DYNLT2: variants seen among roughly 807,000 people sequenced by gnomAD.
The protein encoded by DYNLT2 is dynein light chain Tctex-type 2.
DYNLT2 carries 24 observed loss-of-function variants against 24.3 expected under a neutral mutation model. The ratio of observed to expected loss-of-function variants is 0.99; its 90% confidence interval spans 0.71 to 1.39. The LOEUF (loss-of-function observed/expected upper bound fraction) is 1.39. DYNLT2 is among the 40% of genes most tolerant of loss of function. The probability of loss-of-function intolerance (pLI) is 0.00; values close to 1 mark genes in which losing one functional copy is unlikely to be tolerated. For synonymous variants in DYNLT2, 85 were observed against 85.4 expected (o/e 1.00, Z 0.03); for missense variants, 246 against 234.5 (o/e 1.05, Z -0.32).
rs185240997 is a variant in DYNLT2 at position 169,751,114 on chromosome 6, T to G, written c.120+225A>C. ...TCCAATCGACTTATGTAGGGTTCTA[T>G]GGCCCTAATTAAAAAACAAGAAAAC... is the stretch of plus-strand genomic sequence containing the variant. On this transcript the variant is annotated intron_variant, in intron 1 of 3. Transcript: ENST00000366774. 6.9e-6 allele frequency: 4 copies of G among 581,704 alleles called. No homozygotes were observed. In the Admixed American group the frequency reaches 1.4e-4, roughly 20 times the overall value. The allele number at this position is 581,704 out of a possible 1,614,324, so 36.0% of individuals were successfully genotyped here. A position where few individuals can be genotyped will look rare whatever the true frequency, so the allele number is the denominator to read the frequency against.
the DYNLT2 span, among the ~76,000 whole-genome samples, chr6:169,729,848 C>T: frequency 1.3e-5 from 2 of 151,874 alleles, no homozygotes; most frequent in African/African-American, 4.8e-5. Flanking sequence ...GAAGAGGGCC[C>T]TCACCAAGAA....
intron 2 of DYNLT2, 101 bp from the exon 3 acceptor site, chr6:169,743,339 T>C: frequency 1.9e-6 from 1 of 531,366 alleles, no homozygotes; most frequent in Non-Finnish European, 2.8e-6. Context: ...TATATAACTG[T>C]TTTAAAATAA....
At chr6:169,725,509 C>G in the DYNLT2 span, 91 of 395,172 alleles carry the variant, frequency 2.3e-4, no homozygotes, top group Admixed American at 4.0e-4. Context: ...CCAGACCATC[C>G]GTTCTTGCCT....
chr6:169,749,124 G>A (rs919737835), intron 1 of DYNLT2, among the ~76,000 whole-genome samples: 5 of 151,918 alleles, frequency 3.3e-5, no homozygotes, highest in African/African-American at 1.2e-4. Flanking sequence ...TCTGAGACAA[G>A]AGTCTCACTC....
the DYNLT2 span, among the ~76,000 whole-genome samples, chr6:169,733,830 A>T: frequency 8.5e-5 from 13 of 152,318 alleles, no homozygotes; most frequent in African/African-American, 2.6e-4. Context: ...AAAAATATCA[A>T]TGGTAGTTTC....
downstream of DYNLT2, among the ~76,000 whole-genome samples, chr6:169,739,722 T>A (rs180726390): frequency 1.3e-5 from 2 of 152,290 alleles, no homozygotes; most frequent in East Asian, 3.9e-4. Context: ...TATAATAACA[T>A]CTTTCTTTCA....
At position 169,744,303 on chromosome 6, in the gene DYNLT2, G is replaced by C. The variant is rs199997589; in HGVS notation, c.121-29C>G. On this transcript the variant is annotated intron_variant, in intron 1 of 3. Coordinates refer to ENST00000366774, the MANE Select transcript of DYNLT2 (RefSeq NM_174910.3). ...GAGGAGAAAGAGAGAGGGGAAGAGA[G>C]AAAGGCAGAAAGATTACTTTTTAAA... 311 of 1,574,440 alleles carry C rather than the reference G, an allele frequency of 2.0e-4. 1 individual carries two copies. Among genetic ancestry groups the C allele is most frequent in the Middle Eastern group, 5.0e-4 (3 of 5,964 alleles).
Position 169,744,260 on chromosome 6 carries a change from T to C in DYNLT2, c.135A>G (p.Leu45=), listed in dbSNP as rs372663713. The C allele has an allele frequency of 2.0e-5, 32 of 1,613,296 alleles. No individual in the cohort carries two copies. In the African/African-American group the frequency reaches 3.2e-4, roughly 16 times the overall value. Reference sequence around the variant, plus strand: ...GAATTGACTCTCTCAGTCTTTCTCTTAAAATCTGTGTATACTGGAGGAGAA... The same window carrying C: ...GAATTGACTCTCTCAGTCTTTCTCTCAAAATCTGTGTATACTGGAGGAGAA... ...MFEKEAYTQI[L]RERLRESIHN... is the part of the protein sequence containing the mutation. The change falls in exon 2 of 4, where the codon TTA becomes TTG. Residue 45 remains leucine (L), a synonymous_variant. Transcript: ENST00000366774.
the DYNLT2 span, among the ~76,000 whole-genome samples, chr6:169,731,434 G>A: frequency 6.6e-6 from 1 of 152,156 alleles, no homozygotes; most frequent in South Asian, 2.1e-4. Context: ...GTAAGGTATG[G>A]AGATGAGACG....
At chr6:169,743,268 A>C (rs1585318446) in intron 2 of DYNLT2, 30 bp from the exon 3 acceptor site, 1 of 1,334,042 alleles carries the variant, frequency 7.5e-7, no homozygotes, top group Non-Finnish European at 1.0e-6. Context: ...AAATACTTTT[A>C]TTTTCAAACC....
chr6:169,735,694 T>C (rs1406022181), downstream of DYNLT2, among the ~76,000 whole-genome samples: 5 of 152,252 alleles, frequency 3.3e-5, no homozygotes, highest in Non-Finnish European at 7.3e-5. Context: ...AGGAGTGCTT[T>C]ACTTCCAATT....
chr6:169,745,587 A>G (rs1033419426), intron 1 of DYNLT2, among the ~76,000 whole-genome samples: 3 of 152,076 alleles, frequency 2.0e-5, no homozygotes, highest in Admixed American at 6.6e-5. Flanking sequence ...ATCGATTTTC[A>G]TATGTTGGAC....
intron 1 of DYNLT2, among the ~76,000 whole-genome samples, chr6:169,747,160 A>G (rs925376257): frequency 6.6e-6 from 1 of 151,746 alleles, no homozygotes; most frequent in African/African-American, 2.4e-5. Context: ...TCTGTCTTGC[A>G]TTGTTTCTGA....
downstream of DYNLT2, among the ~76,000 whole-genome samples, chr6:169,739,521 C>T (rs1333149519): frequency 6.6e-6 from 1 of 152,042 alleles, no homozygotes; most frequent in African/African-American, 2.4e-5. Context: ...AACCTGGATC[C>T]TTGATCAAAT....
At chr6:169,746,531 A>G (rs1026172922) in intron 1 of DYNLT2, among the ~76,000 whole-genome samples, 1 of 152,122 alleles carries the variant, frequency 6.6e-6, no homozygotes, top group Non-Finnish European at 1.5e-5. Flanking sequence ...TTCCATTTCT[A>G]TGCTTACATT....
rs532882259 is a variant in DYNLT2, at chr6:169,747,527, TC to T, written c.121-3254del. 2.3e-3 allele frequency among the ~76,000 whole-genome samples: 350 copies of T among 152,310 alleles called. 2 individuals are homozygous for T. The highest frequency in any genetic ancestry group is 7.9e-3 in the African/African-American group (329 of 41,554). On this transcript the variant is annotated intron_variant, in intron 1 of 3. Coordinates refer to ENST00000366774, the MANE Select transcript of DYNLT2 (RefSeq NM_174910.3). ...CCCCCAATTTCCACATCTCTAAATGTCCTTTCTTCTGCACTGTTGAATCTGC... is the reference window on the plus strand; with the variant it reads ...CCCCCAATTTCCACATCTCTAAATGTCTTTCTTCTGCACTGTTGAATCTGC...
rs1211848970 is a variant in DYNLT2 at position 169,751,539 on chromosome 6, A to C, written c.-81T>G. ...GCCCTAGCCAGTCCCGCGAGGGCGGAAGTCTCCCACCTGCGCCTCGTACGG... is the reference window on the plus strand; with the variant it reads ...GCCCTAGCCAGTCCCGCGAGGGCGGCAGTCTCCCACCTGCGCCTCGTACGG... On this transcript the variant is annotated 5_prime_UTR_variant, in exon 1 of 4. Transcript: ENST00000366774. 6.2e-7 allele frequency: 1 copy of C among 1,610,482 alleles called. No homozygotes were observed. Among genetic ancestry groups the C allele is most frequent in the East Asian group, 2.2e-5 (1 of 44,804 alleles).
At chr6:169,740,446 G>C in intron 3 of DYNLT2, 151 bp from the exon 4 acceptor site, 2 of 612,990 alleles carry the variant, frequency 3.3e-6, no homozygotes, top group Non-Finnish European at 2.9e-6. Context: ...TTCATAAAGA[G>C]CCTGGAGAAT....
the DYNLT2 span, among the ~76,000 whole-genome samples, chr6:169,730,574 A>C: frequency 6.6e-6 from 1 of 152,110 alleles, no homozygotes; most frequent in African/African-American, 2.4e-5. Context: ...AGAGGTTGGG[A>C]ATATAGAGGA....
Sources: gnomAD v4.1 joint callset for allele counts (sites outside exome capture counted in the v4.1 genomes callset) on GRCh38, gnomAD v4.1.1 for gene constraint, MANE v1.5 for transcripts, NCBI Gene and HGNC (gene_info 2026-07-23, HGNC 2026-07-21) for gene names.